The following SOX5 variants were observed in gnomAD, a reference collection of about 807,000 sequenced individuals.
SOX5 encodes the protein SRY-box transcription factor 5, also known as transcription factor SOX-5.
SOX5 carries 9 observed loss-of-function variants against 92.0 expected under a neutral mutation model. The ratio of observed to expected loss-of-function variants is 0.10; its 90% CI spans 0.06 to 0.17. The LOEUF (loss-of-function observed/expected upper bound fraction) is 0.17, where lower values mean the gene tolerates loss of function less well. Ranked by LOEUF, SOX5 falls within the 10% of genes least tolerant of loss-of-function variation. SOX5 has a pLI of 1.00. For missense variants in SOX5, 642 were observed against 944.5 expected (o/e 0.68, Z 4.20); for synonymous variants, 344 against 336.3 (o/e 1.02, Z -0.25).
intron 1 of SOX5, among the ~76,000 whole-genome samples, chr12:24,437,417 A>T (rs888157580): frequency 6.6e-6 from 1 of 152,230 alleles, no homozygotes; most frequent in African/African-American, 2.4e-5. Flanking sequence ...ATGGACAAAG[A>T]CTTCATGACT....
intron 1 of SOX5, among the ~76,000 whole-genome samples, chr12:24,398,180 T>C (rs1430136162): frequency 1.3e-5 from 2 of 152,140 alleles, no homozygotes; most frequent in East Asian, 3.9e-4. Context: ...AGAATAATCA[T>C]TCATTCTTTC....
At chr12:24,512,626 T>C (rs1949426242) in intron 1 of SOX5, among the ~76,000 whole-genome samples, 1 of 152,162 alleles carries the variant, frequency 6.6e-6, no homozygotes, top group Non-Finnish European at 1.5e-5. Context: ...TCACAGGAAG[T>C]CATAAGAGCC....
At chr12:24,511,751 G>T (rs1237954295) in intron 1 of SOX5, among the ~76,000 whole-genome samples, 2 of 152,072 alleles carry the variant, frequency 1.3e-5, no homozygotes, top group Non-Finnish European at 2.9e-5. Flanking sequence ...AAGGTCAGGA[G>T]ATCAAGACCA....
At position 24,082,404 on chromosome 12, in the gene SOX5, G is replaced by GAAAAA. The variant is rs58736325; in HGVS notation, c.-2+130934_-2+130938dup. Among the ~76,000 whole-genome samples the GAAAAA allele has an allele frequency of 5.0e-3, 369 of 73,478 alleles. 23 individuals carry two copies. Among genetic ancestry groups the GAAAAA allele is most frequent in the Middle Eastern group, 0.031 (2 of 64 alleles). The allele number at this position is 73,478 out of a possible 152,430, so 48.2% of individuals were successfully genotyped here. ...TCACCAGGGCTGCTCCTTTCGAAAAGAAAAAAAAAAAAAAAAAAAAAAAAA... is the reference window on the plus strand; with the variant it reads ...TCACCAGGGCTGCTCCTTTCGAAAAGAAAAAAAAAAAAAAAAAAAAAAAAAAAAAA... On this transcript the variant is annotated intron_variant, in intron 4 of 4. Transcript: ENST00000446891.
chr12:24,407,943 C>T (rs1272363708), intron 1 of SOX5, among the ~76,000 whole-genome samples: 1 of 152,156 alleles, frequency 6.6e-6, no homozygotes, highest in Admixed American at 6.5e-5. Context: ...GAAAAATAAA[C>T]CCAGGTTAGG....
intron 3 of SOX5, among the ~76,000 whole-genome samples, chr12:24,252,522 G>T (rs959383764): frequency 2.0e-5 from 3 of 151,970 alleles, no homozygotes; most frequent in East Asian, 3.9e-4. Flanking sequence ...AAAAGTTAAG[G>T]GGATTAATAG....
chr12:23,583,972 A>G (rs1950380671), intron 9 of SOX5, among the ~76,000 whole-genome samples: 1 of 152,176 alleles, frequency 6.6e-6, no homozygotes, highest in Admixed American at 6.6e-5. Flanking sequence ...ACAGAGCAAT[A>G]CGACTTTATA....
Position 23,961,863 on chromosome 12 carries a change from C to A in SOX5, c.-1-65839G>T, listed in dbSNP as rs115609862. Reference sequence around the variant, plus strand: ...CTGTTTCTCAAGATTAGAATATGCTCTTCCACTTTCAACATTACATGTAAG... The same window carrying A: ...CTGTTTCTCAAGATTAGAATATGCTATTCCACTTTCAACATTACATGTAAG... On this transcript the variant is annotated intron_variant, in intron 4 of 4. Coordinates refer to the SOX5 transcript ENST00000446891. 5.5e-3 allele frequency among the ~76,000 whole-genome samples: 834 copies of A among 152,278 alleles called. 11 individuals carry two copies. The highest frequency in any genetic ancestry group is 0.019 in the African/African-American group (802 of 41,548).
intron 4 of SOX5, among the ~76,000 whole-genome samples, chr12:24,060,660 C>T (rs1019358790): frequency 2.0e-5 from 3 of 152,148 alleles, no homozygotes; most frequent in Non-Finnish European, 2.9e-5. Flanking sequence ...CCAAAGAGCA[C>T]GTCATCTTCT....
At position 23,899,667 on chromosome 12, in the gene SOX5, G is replaced by A. The variant is rs566621052; in HGVS notation, c.39-3643C>T. Among the ~76,000 whole-genome samples the A allele has an allele frequency of 8.5e-5, 13 of 152,282 alleles. No individual in the cohort carries two copies. In the South Asian group the frequency reaches 1.0e-3, roughly 12 times the overall value. ...AAACTGCCTTGGGGAGTATGATGAC[G>A]TAACACTGGTCTTAGCTCACTTTGT... On this transcript the variant is annotated intron_variant, in intron 1 of 14. Transcript: ENST00000451604.
intron 1 of SOX5, among the ~76,000 whole-genome samples, chr12:23,903,582 C>A (rs2097259918): frequency 6.6e-6 from 1 of 151,536 alleles, no homozygotes; most frequent in Non-Finnish European, 1.5e-5. Context: ...GACCCTGTCT[C>A]AAAAAAAACT....
At chr12:24,120,494 A>G (rs971247974) in intron 4 of SOX5, among the ~76,000 whole-genome samples, 2 of 152,192 alleles carry the variant, frequency 1.3e-5, no homozygotes, top group Admixed American at 1.3e-4. Flanking sequence ...ATTTCGAACT[A>G]TTCTTTCAGA....
At chr12:24,333,819 A>G (rs1479377083) in intron 2 of SOX5, among the ~76,000 whole-genome samples, 1 of 149,012 alleles carries the variant, frequency 6.7e-6, no homozygotes, top group African/African-American at 2.5e-5. Context: ...AGATTTTTGG[A>G]TATTTTATAA....
chr12:23,618,957 G>A (rs1318886847), intron 8 of SOX5, among the ~76,000 whole-genome samples: 1 of 152,154 alleles, frequency 6.6e-6, no homozygotes, highest in Non-Finnish European at 1.5e-5. Flanking sequence ...GGCTTCAAGA[G>A]TGAAAGACTT....
chr12:24,415,748 C>A (rs905363953), intron 1 of SOX5, among the ~76,000 whole-genome samples: 1 of 152,118 alleles, frequency 6.6e-6, no homozygotes, highest in Non-Finnish European at 1.5e-5. Context: ...AAAATACACA[C>A]GTAGTATTGT....
At chr12:23,893,084 T>G (rs1037257048) in intron 2 of SOX5, among the ~76,000 whole-genome samples, 1 of 152,196 alleles carries the variant, frequency 6.6e-6, no homozygotes, top group Non-Finnish European at 1.5e-5. Flanking sequence ...TTCCGTAGTG[T>G]CTAGCACAAA....
chr12:24,461,265 A>AATTT (rs1238441465), intron 1 of SOX5, among the ~76,000 whole-genome samples: 1 of 151,678 alleles, frequency 6.6e-6, no homozygotes, highest in African/African-American at 2.4e-5. Context: ...CTGGTCATTT[A>AATTT]AGTCAGAAAA....
chr12:24,149,110 C>T (rs551024594), intron 4 of SOX5, among the ~76,000 whole-genome samples: 1 of 152,102 alleles, frequency 6.6e-6, no homozygotes, highest in African/African-American at 2.4e-5. Context: ...TAAATATAAA[C>T]CCTAAAACTA....
At chr12:23,712,344 C>G (rs1429214619) in intron 6 of SOX5, among the ~76,000 whole-genome samples, 2 of 152,104 alleles carry the variant, frequency 1.3e-5, no homozygotes, top group African/African-American at 4.8e-5. Context: ...ATTAAAATTT[C>G]TTAGTGATGA....
Sources: allele counts gnomAD v4.1 joint callset (sites outside exome capture counted in the v4.1 genomes callset), GRCh38; gene constraint gnomAD v4.1.1; transcripts MANE v1.5; gene names NCBI Gene and HGNC (gene_info 2026-07-23, HGNC 2026-07-21).